Variants in VPS8 observed in about 807,000 individuals in gnomAD.
VPS8 encodes VPS8 subunit of CORVET complex.
Under a neutral mutation model 216.4 loss-of-function variants are expected in VPS8, and 129 were observed. That is an observed-to-expected ratio of 0.60 (90% CI 0.52 to 0.69). The LOEUF is 0.69. VPS8 is among the 30% of genes least tolerant of loss of function. VPS8 has a pLI of 0.00. For synonymous variants in VPS8, 571 were observed against 565.4 expected (o/e 1.01, Z -0.14); for missense variants, 1,531 against 1,683.5 (o/e 0.91, Z 1.59).
At chr3:184,957,668 G>A in intron 37 of VPS8, 147 bp downstream of exon 37, 2 of 1,042,606 alleles carry the variant, frequency 1.9e-6, no homozygotes, top group Non-Finnish European at 1.4e-6. Context: ...GAAAACAAAA[G>A]TCAGATTAAC....
chr3:184,844,493 A>G (rs1722753575), intron 8 of VPS8, among the ~76,000 whole-genome samples: 1 of 152,172 alleles, frequency 6.6e-6, no homozygotes, highest in Admixed American at 6.5e-5. Flanking sequence ...TGGCCAATAA[A>G]GGTAGAGTTC....
chr3:184,938,556 T>TG (rs1244821765), intron 35 of VPS8, among the ~76,000 whole-genome samples: 2 of 152,190 alleles, frequency 1.3e-5, no homozygotes, highest in Non-Finnish European at 2.9e-5. Context: ...TCAGCACTTC[T>TG]GGTAAATTTT....
At chr3:184,894,955 G>T in intron 23 of VPS8, 30 bp downstream of exon 23, 1 of 1,537,136 alleles carries the variant, frequency 6.5e-7, no homozygotes, top group South Asian at 1.2e-5. Context: ...ACTAACTTAT[G>T]AAATAAACTT....
At chr3:185,031,250 C>T (rs925374879) in intron 46 of VPS8, among the ~76,000 whole-genome samples, 4 of 151,958 alleles carry the variant, frequency 2.6e-5, no homozygotes, top group African/African-American at 9.7e-5. Flanking sequence ...TTCTAGCCAT[C>T]ATTTGATGGA....
intron 31 of VPS8, among the ~76,000 whole-genome samples, chr3:184,927,742 T>C (rs1041428116): frequency 2.0e-5 from 3 of 152,182 alleles, no homozygotes; most frequent in Non-Finnish European, 4.4e-5. Flanking sequence ...ACTCCCTGTT[T>C]TCTCCTCCCC....
Position 184,860,066 on chromosome 3 carries a change from G to T in VPS8, c.1224+1G>T. 1 of 1,602,940 alleles carries T rather than the reference G, an allele frequency of 6.2e-7. No individual in the cohort carries two copies. Among genetic ancestry groups the T allele is most frequent in the East Asian group, 2.2e-5 (1 of 44,726 alleles). Reference sequence around the variant, plus strand: ...ATACTATGACCTCATCAACTTTACCGTGAGTATTATTCAAATTAAATATCC... The same window carrying T: ...ATACTATGACCTCATCAACTTTACCTTGAGTATTATTCAAATTAAATATCC... On this transcript the variant is annotated splice_donor_variant, in intron 15 of 47. Transcript: ENST00000625842. LOFTEE classifies it high-confidence loss of function.
At chr3:184,968,549 C>CT (rs575319421) in intron 39 of VPS8, among the ~76,000 whole-genome samples, 4 of 152,074 alleles carry the variant, frequency 2.6e-5, no homozygotes, top group Admixed American at 6.6e-5. Flanking sequence ...TTTATATTCT[C>CT]TTTTTTTTAA....
Position 185,036,581 on chromosome 3 carries a change from G to GT in VPS8, c.4057-11887dup, listed in dbSNP as rs149707850. Among the ~76,000 whole-genome samples, 399 of 144,330 alleles carry GT rather than the reference G, an allele frequency of 2.8e-3. 1 individual carries two copies. Among genetic ancestry groups the GT allele is most frequent in the African/African-American group, 4.8e-3 (190 of 39,704 alleles). The allele number at this position is 144,330 out of a possible 152,430, so 94.7% of individuals were successfully genotyped here. ...GTCTTTAATGATTAACAGTTTTTCA[G>GT]TTTTTTTTTTTAGTGGTGGCCTAGG... On this transcript the variant is annotated intron_variant, in intron 46 of 47. Coordinates refer to ENST00000625842, the MANE Select transcript of VPS8 (RefSeq NM_001009921.3).
At chr3:184,915,334 C>T (rs1156692865) in intron 27 of VPS8, 21 bp from the exon 28 acceptor site, 2 of 1,607,378 alleles carry the variant, frequency 1.2e-6, no homozygotes, top group East Asian at 2.2e-5. Flanking sequence ...AAATAATCAA[C>T]ATTTTTTTCC....
At chr3:184,957,638 C>T (rs1269606039) in intron 37 of VPS8, 117 bp downstream of exon 37, 29 of 1,269,470 alleles carry the variant, frequency 2.3e-5, no homozygotes, top group Non-Finnish European at 3.0e-5. Flanking sequence ...CTTATAAATT[C>T]TTAGTTGAGA....
At chr3:185,049,444 A>G (rs1713696015) in intron 47 of VPS8, among the ~76,000 whole-genome samples, 1 of 152,048 alleles carries the variant, frequency 6.6e-6, no homozygotes, top group Middle Eastern at 3.2e-3. Flanking sequence ...CTGACTGGGG[A>G]CATCCTGTGG....
chr3:185,008,967 A>C (rs1299010490), intron 45 of VPS8, among the ~76,000 whole-genome samples: 2 of 152,258 alleles, frequency 1.3e-5, no homozygotes, highest in East Asian at 3.8e-4. Flanking sequence ...TTAGGAGACA[A>C]ATGTCTTGTT....
chr3:184,945,900 T>A (rs1386006306), intron 36 of VPS8, among the ~76,000 whole-genome samples: 1 of 152,154 alleles, frequency 6.6e-6, no homozygotes, highest in Non-Finnish European at 1.5e-5. Context: ...TGGTTGGAGA[T>A]GAAATCATAG....
At chr3:185,044,918 A>G (rs1046667809) in intron 46 of VPS8, among the ~76,000 whole-genome samples, 2 of 152,154 alleles carry the variant, frequency 1.3e-5, no homozygotes, top group Non-Finnish European at 2.9e-5. Context: ...TAGAAAAGGT[A>G]TTTCCTGGTT....
intron 25 of VPS8, among the ~76,000 whole-genome samples, chr3:184,902,094 A>C (rs1317165330): frequency 6.7e-6 from 1 of 149,020 alleles, no homozygotes; most frequent in Non-Finnish European, 1.5e-5. Context: ...TTCTTTTGTG[A>C]ATTGTTTAAA....
Position 184,843,241 on chromosome 3 carries a change from A to T in VPS8, c.537A>T (p.Gly179=). 2 of 1,416,050 alleles carry T rather than the reference A, an allele frequency of 1.4e-6. No homozygotes were observed. Among genetic ancestry groups the T allele is most frequent in the Non-Finnish European group, 1.9e-6 (2 of 1,071,088 alleles). The allele number at this position is 1,416,050 out of a possible 1,614,324, so 87.7% of individuals were successfully genotyped here. ...ATCTTTTCTTCATGGATTCAAAAGG[A>T]AAAGGTATAGTAAGTAATTTTAGTT... The part of the protein sequence containing the change: ...GTSHGLALIF[G]KDQNQALRLC... The change falls in exon 8 of 48, where the codon GGA becomes GGT. Residue 179 remains glycine, a splice_region_variant and synonymous_variant. Transcript: ENST00000625842.
chr3:184,918,326 T>A (rs76627675), intron 28 of VPS8, among the ~76,000 whole-genome samples: 4,747 of 152,252 alleles, frequency 0.031, 260 homozygotes, highest in African/African-American at 0.11. Context: ...TACAAAAATA[T>A]TTTTTTATGT....
intron 42 of VPS8, among the ~76,000 whole-genome samples, chr3:184,987,228 G>A (rs573164323): frequency 4.6e-5 from 7 of 151,920 alleles, no homozygotes; most frequent in African/African-American, 1.2e-4. Flanking sequence ...ATTCTCATGC[G>A]TCAGCCTCCC....
At chr3:184,973,059 C>T (rs952516446) in intron 40 of VPS8, among the ~76,000 whole-genome samples, 30 of 152,184 alleles carry the variant, frequency 2.0e-4, no homozygotes, top group South Asian at 6.2e-4. Context: ...AATTATGAAA[C>T]GTCTTTAGAA....
Sources: gnomAD v4.1 joint callset for allele counts (sites outside exome capture counted in the v4.1 genomes callset) on GRCh38, gnomAD v4.1.1 for gene constraint, MANE v1.5 for transcripts, NCBI Gene and HGNC (gene_info 2026-07-23, HGNC 2026-07-21) for gene names.